Variants in PDGFRL observed in about 807,000 individuals in gnomAD.
PDGFRL encodes platelet-derived growth factor receptor-like protein.
In PDGFRL, 46 loss-of-function variants were observed where a neutral mutation model predicts 37.2. The observed-to-expected ratio is 1.24, with a 90% CI of 0.98 to 1.58. The LOEUF (loss-of-function observed/expected upper bound fraction) is 1.58, where lower values mean the gene tolerates loss of function less well. PDGFRL is among the 40% of genes most tolerant of loss of function. PDGFRL has a pLI of 0.00. For synonymous variants in PDGFRL, 251 were observed against 184.3 expected, an observed-to-expected ratio of 1.36 and a Z score of -2.93; for missense variants, 692 against 467.6, an observed-to-expected ratio of 1.48 and a Z score of -4.43.
chr8:17,599,759 T>C (rs1308896173), intron 2 of PDGFRL, among the ~76,000 whole-genome samples: 1 of 152,192 alleles, frequency 6.6e-6, no homozygotes, highest in Non-Finnish European at 1.5e-5. Flanking sequence ...TCCCCTAACT[T>C]ATTAAGAAAT....
At chr8:17,621,272 A>G (rs1216713773) in intron 3 of PDGFRL, 70 bp downstream of exon 3, 2 of 1,030,888 alleles carry the variant, frequency 1.9e-6, no homozygotes, top group Non-Finnish European at 2.9e-6. Context: ...AGGTTCCCCC[A>G]CTGCATGCTG....
At chr8:17,642,502 T>A in intron 5 of PDGFRL, 111 bp from the exon 6 acceptor site, 2 of 695,112 alleles carry the variant, frequency 2.9e-6, no homozygotes, top group Non-Finnish European at 5.2e-6. Flanking sequence ...CAGTCTTTTA[T>A]AAGCATGTGC....
intron 2 of PDGFRL, among the ~76,000 whole-genome samples, chr8:17,608,180 C>G (rs1804324801): frequency 6.6e-6 from 1 of 152,170 alleles, no homozygotes; most frequent in African/African-American, 2.4e-5. Flanking sequence ...CTGATTTGCC[C>G]CTGGTCTCTG....
intron 4 of PDGFRL, among the ~76,000 whole-genome samples, chr8:17,630,504 C>A (rs776163082): frequency 6.6e-6 from 1 of 152,188 alleles, no homozygotes. Context: ...ATTCTGGTTT[C>A]TAAGACTGTT....
intron 2 of PDGFRL, among the ~76,000 whole-genome samples, chr8:17,599,362 C>G (rs951424695): frequency 1.3e-5 from 2 of 152,220 alleles, no homozygotes; most frequent in Non-Finnish European, 2.9e-5. Flanking sequence ...GTCCTCACAG[C>G]TTAGCTCCCA....
chr8:17,578,271 A>G (rs1803630830), intron 1 of PDGFRL, among the ~76,000 whole-genome samples: 2 of 152,170 alleles, frequency 1.3e-5, no homozygotes, highest in African/African-American at 4.8e-5. Flanking sequence ...ATGCAACTTC[A>G]TGCTGGAGCC....
rs780536448 is a variant in PDGFRL, at chr8:17,598,661, C to T, written c.353+8896C>T. Among the ~76,000 whole-genome samples, 8 of 152,208 alleles carry T rather than the reference C, an allele frequency of 5.3e-5. No individual in the cohort carries two copies. The East Asian group carries it at 1.4e-3, about 26-fold the overall frequency. The stretch of plus-strand genomic sequence containing the variant: ...TGGTGCTGTGTCACCTGGATCCATC[C>T]CCATTGTCTCAGAGCCTGATATGGT... On this transcript the variant is annotated intron_variant, in intron 2 of 5. Coordinates refer to ENST00000251630, the MANE Select transcript of PDGFRL (RefSeq NM_001372073.1).
chr8:17,612,452 C>A (rs1804439512), intron 2 of PDGFRL, among the ~76,000 whole-genome samples: 1 of 152,044 alleles, frequency 6.6e-6, no homozygotes, highest in Non-Finnish European at 1.5e-5. Context: ...GCTCACTGCA[C>A]CTCTGCCTCC....
intron 2 of PDGFRL, among the ~76,000 whole-genome samples, chr8:17,612,934 A>C (rs559032646): frequency 3.3e-5 from 5 of 152,284 alleles, no homozygotes; most frequent in Admixed American, 6.5e-5. Flanking sequence ...TTTATGATTA[A>C]CTTTTCCCGT....
intron 4 of PDGFRL, among the ~76,000 whole-genome samples, chr8:17,629,654 A>G (rs1804821224): frequency 2.0e-5 from 3 of 151,776 alleles, no homozygotes; most frequent in African/African-American, 7.3e-5. Context: ...TTGTCACTCC[A>G]TTTTTAGGGT....
chr8:17,597,437 C>G (rs879391507), intron 2 of PDGFRL, among the ~76,000 whole-genome samples: 1 of 152,194 alleles, frequency 6.6e-6, no homozygotes, highest in African/African-American at 2.4e-5. Flanking sequence ...GTTCTTGACA[C>G]TCACCTACAA....
intron 4 of PDGFRL, among the ~76,000 whole-genome samples, chr8:17,629,374 G>T (rs1363956357): frequency 7.0e-6 from 1 of 143,134 alleles, no homozygotes; most frequent in Admixed American, 6.9e-5. Flanking sequence ...CTGCCTCTGT[G>T]TTGGATCAGG....
intron 2 of PDGFRL, among the ~76,000 whole-genome samples, chr8:17,593,735 A>C (rs1414722491): frequency 6.6e-6 from 1 of 152,104 alleles, no homozygotes; most frequent in Non-Finnish European, 1.5e-5. Context: ...TCTCTACTAA[A>C]AATACAAAAT....
At chr8:17,589,789 T>G in intron 2 of PDGFRL, 24 bp downstream of exon 2, 3 of 1,452,394 alleles carry the variant, frequency 2.1e-6, no homozygotes, top group African/African-American at 2.8e-5. Context: ...TTTAAAACTG[T>G]GTAGGGTTGA....
Position 17,642,816 on chromosome 8 carries a change from T to C in PDGFRL, c.*15T>C, listed in dbSNP as rs367581319. On this transcript the variant is annotated 3_prime_UTR_variant, in exon 6 of 6. Transcript: ENST00000251630. ...AGTTTTCCTGACTTGGAAAAGGAAA[T>C]GTAATGAACTTATGGAAAGCCCATT... 3.2e-5 allele frequency: 49 copies of C among 1,548,822 alleles called. No homozygotes were observed. The highest frequency in any genetic ancestry group is 4.2e-5 in the Non-Finnish European group (47 of 1,122,682).
intron 2 of PDGFRL, among the ~76,000 whole-genome samples, chr8:17,615,822 T>A (rs1358527664): frequency 6.6e-6 from 1 of 152,144 alleles, no homozygotes; most frequent in African/African-American, 2.4e-5. Context: ...GGTGGGAGGA[T>A]CCCTTAAGCC....
At chr8:17,598,215 A>G (rs1272469898) in intron 2 of PDGFRL, among the ~76,000 whole-genome samples, 1 of 152,236 alleles carries the variant, frequency 6.6e-6, no homozygotes, top group African/African-American at 2.4e-5. Flanking sequence ...CTAGATTTGA[A>G]TCTTCCGTTT....
intron 2 of PDGFRL, among the ~76,000 whole-genome samples, chr8:17,615,386 T>C (rs940319694): frequency 2.0e-5 from 3 of 152,156 alleles, no homozygotes; most frequent in Admixed American, 1.3e-4. Context: ...TCAGTCAAAA[T>C]TGCTTCATTT....
chr8:17,639,020 G>T (rs1030034828), intron 5 of PDGFRL, among the ~76,000 whole-genome samples: 5 of 151,512 alleles, frequency 3.3e-5, no homozygotes, highest in African/African-American at 7.3e-5. Context: ...TTGCACTCCA[G>T]TCTGGCCGAC....
Sources: allele counts gnomAD v4.1 joint callset (sites outside exome capture counted in the v4.1 genomes callset), GRCh38; gene constraint gnomAD v4.1.1; transcripts MANE v1.5; gene names NCBI Gene and HGNC (gene_info 2026-07-23, HGNC 2026-07-21).